ARHGAP39: variants seen among roughly 807,000 people sequenced by gnomAD.
The protein encoded by ARHGAP39 is Rho GTPase activating protein 39.
In ARHGAP39, 44 loss-of-function variants were observed where a neutral mutation model predicts 106.9. That is an observed-to-expected ratio of 0.41 (90% CI 0.32 to 0.53). The LOEUF (loss-of-function observed/expected upper bound fraction) is 0.53, where lower values mean the gene tolerates loss of function less well. Ranked by LOEUF, ARHGAP39 falls within the 20% of genes least tolerant of loss-of-function variation. The pLI, the probability that ARHGAP39 is intolerant of heterozygous loss-of-function variation, is 0.21. For synonymous variants in ARHGAP39, 768 were observed against 693.2 expected (o/e 1.11, Z -1.69); for missense variants, 1,496 against 1,577.3 (o/e 0.95, Z 0.87).
chr8:144,563,504 C>T (rs562479901), intron 3 of ARHGAP39, among the ~76,000 whole-genome samples: 11 of 152,182 alleles, frequency 7.2e-5, no homozygotes, highest in Non-Finnish European at 1.5e-4. Flanking sequence ...GGGCTTGGCA[C>T]CCTAAAATTT....
intron 2 of ARHGAP39, among the ~76,000 whole-genome samples, chr8:144,583,438 G>T (rs983362159): frequency 1.3e-5 from 2 of 152,218 alleles, no homozygotes; most frequent in Non-Finnish European, 2.9e-5. Flanking sequence ...TGGAGGCACA[G>T]ACGGGGTCTG....
intron 3 of ARHGAP39, among the ~76,000 whole-genome samples, 158 bp from the exon 4 acceptor site, chr8:144,555,801 C>T (rs973081808): frequency 6.6e-6 from 1 of 152,258 alleles, no homozygotes; most frequent in African/African-American, 2.4e-5. Context: ...TGCCCTGAGT[C>T]CACCTTCTTC....
intron 1 of ARHGAP39, among the ~76,000 whole-genome samples, chr8:144,678,270 T>TAA (rs1186486280): frequency 1.5e-5 from 2 of 137,522 alleles, no homozygotes. Context: ...ACTCTCTCTC[T>TAA]AAAAAAAAAA....
At position 144,548,680 on chromosome 8, in the gene ARHGAP39, C is replaced by T. The variant is rs559444418; in HGVS notation, c.597-191G>A. On this transcript the variant is annotated intron_variant, in intron 4 of 11. Transcript: ENST00000377307. This position sits in a 1 kb window ranked among gnomAD's most constrained non-coding sequence, Gnocchi z 7.4. ...CCCCCAGCCCTCCCTCTGGGGCTCTCCTGGAGCTGCCGCCCACGACCAGGT... is the reference window on the plus strand; with the variant it reads ...CCCCCAGCCCTCCCTCTGGGGCTCTTCTGGAGCTGCCGCCCACGACCAGGT... 1.2e-4 allele frequency among the ~76,000 whole-genome samples: 18 copies of T among 152,306 alleles called. No individual in the cohort carries two copies. The highest frequency in any genetic ancestry group is 3.4e-3 in the Middle Eastern group (1 of 294).
intron 4 of ARHGAP39, among the ~76,000 whole-genome samples, chr8:144,549,717 A>ACTCCTGAC (rs1232378357): frequency 6.6e-6 from 1 of 151,724 alleles, no homozygotes; most frequent in East Asian, 1.9e-4. Context: ...CTGGTCCCGA[A>ACTCCTGAC]CTCCTGACCT....
Position 144,655,074 on chromosome 8 carries a change from C to G in ARHGAP39, c.-82+30612G>C, listed in dbSNP as rs574161100. ...GTCAGCTCCCACTCCAGTCTTGGAG[C>G]AAAGTTGGGTCTGAGCCCAGGTGCC... On this transcript the variant is annotated intron_variant, in intron 1 of 11. Transcript: ENST00000377307. Among the ~76,000 whole-genome samples the G allele has an allele frequency of 3.3e-5, 5 of 152,290 alleles. No individual in the cohort carries two copies. The South Asian group carries it at 1.0e-3, about 32-fold the overall frequency.
rs1821433984 is a variant in ARHGAP39 at position 144,645,966 on chromosome 8, C to T, written c.-82+39720G>A. ...ATGTCACTGTGTAACAACAGGGTAACACCCAGATGGCCCAGCTGGCTCTGT... is the reference window on the plus strand; with the variant it reads ...ATGTCACTGTGTAACAACAGGGTAATACCCAGATGGCCCAGCTGGCTCTGT... On this transcript the variant is annotated intron_variant, in intron 1 of 11. Transcript: ENST00000377307. The surrounding 1 kb of genome is among the most constrained non-coding windows in gnomAD (Gnocchi z 4.4). Among the ~76,000 whole-genome samples the T allele has an allele frequency of 1.3e-5, 2 of 152,210 alleles. No individual in the cohort carries two copies. Among genetic ancestry groups the T allele is most frequent in the Admixed American group, 1.3e-4 (2 of 15,284 alleles).
At chr8:144,677,232 T>C (rs1822266386) in intron 1 of ARHGAP39, among the ~76,000 whole-genome samples, 1 of 152,274 alleles carries the variant, frequency 6.6e-6, no homozygotes, top group Non-Finnish European at 1.5e-5. Flanking sequence ...TGAACACTCA[T>C]GGACAAGCTT....
At chr8:144,554,968 G>A (rs191013773) in intron 4 of ARHGAP39, among the ~76,000 whole-genome samples, 1 of 152,348 alleles carries the variant, frequency 6.6e-6, no homozygotes, top group East Asian at 1.9e-4. Flanking sequence ...AGAAACAGCA[G>A]CTGGCCCTGG....
intron 1 of ARHGAP39, among the ~76,000 whole-genome samples, chr8:144,656,908 CGAAAT>C (rs1226737963): frequency 4.0e-5 from 6 of 149,024 alleles, no homozygotes; most frequent in African/African-American, 1.5e-4. Flanking sequence ...GTTAATTAGA[CGAAAT>C]GGATAAATTC....
chr8:144,602,253 G>C (rs532581883), intron 2 of ARHGAP39, among the ~76,000 whole-genome samples: 7 of 139,500 alleles, frequency 5.0e-5, no homozygotes, highest in Admixed American at 3.7e-4. Context: ...AGGTGTGTGT[G>C]TGAGCTCATG....
intron 1 of ARHGAP39, among the ~76,000 whole-genome samples, chr8:144,628,337 A>G (rs889346369): frequency 2.0e-5 from 3 of 151,974 alleles, no homozygotes; most frequent in Non-Finnish European, 4.4e-5. Context: ...AGCAGGGGAC[A>G]CTCATGAGAG....
chr8:144,677,404 T>TA (rs1318883930), intron 1 of ARHGAP39, among the ~76,000 whole-genome samples: 2 of 152,180 alleles, frequency 1.3e-5, no homozygotes, highest in East Asian at 3.8e-4. Flanking sequence ...AGTGCAGAAA[T>TA]AAAGACACTA....
In ARHGAP39 at chr8:144,658,756, A is replaced by G. The variant is rs1040511913; in HGVS notation, c.-82+26930T>C. 7.2e-5 allele frequency among the ~76,000 whole-genome samples: 11 copies of G among 152,176 alleles called. No individual in the cohort carries two copies. The East Asian group carries it at 1.7e-3, about 24-fold the overall frequency. ...ATTACCGGAGGTCCTAGCCAGTGCA[A>G]TAAGGCAGGAAAAAGAAAAGGTAGA... On this transcript the variant is annotated intron_variant, in intron 1 of 11. Transcript: ENST00000377307.
chr8:144,646,577 G>A lies in ARHGAP39; in HGVS notation c.-82+39109C>T, dbSNP rs1821449731. On this transcript the variant is annotated intron_variant, in intron 1 of 11. Transcript: ENST00000377307. The surrounding 1 kb of genome is among the most constrained non-coding windows in gnomAD (Gnocchi z 5.7). ...GGGTGGGCACAGGCTGGCGGGCATG[G>A]AAGCCTCGTCCTTTCTGCACCACCG... 6.6e-6 allele frequency among the ~76,000 whole-genome samples: 1 copy of A among 152,214 alleles called. No individual in the cohort carries two copies. Among genetic ancestry groups the A allele is most frequent in the African/African-American group, 2.4e-5 (1 of 41,456 alleles).
chr8:144,611,823 C>T (rs1356509444), intron 1 of ARHGAP39, among the ~76,000 whole-genome samples: 1 of 152,064 alleles, frequency 6.6e-6, no homozygotes, highest in Non-Finnish European at 1.5e-5. Context: ...CAAGACCAGC[C>T]TGGGCAACAT....
chr8:144,574,184 T>C (rs7014011), intron 3 of ARHGAP39, among the ~76,000 whole-genome samples: 238 of 137,442 alleles, frequency 1.7e-3, no homozygotes, highest in African/African-American at 6.1e-3. Flanking sequence ...AAGATGAAGA[T>C]GAGGAGGAGG....
At chr8:144,699,510 T>G in the ARHGAP39 span, among the ~76,000 whole-genome samples, 1 of 105,348 alleles carries the variant, frequency 9.5e-6, no homozygotes, top group Non-Finnish European at 2.0e-5. Context: ...GCGGTGGGGC[T>G]GAGGGACCCG....
intron 7 of ARHGAP39, among the ~76,000 whole-genome samples, chr8:144,536,951 T>C (rs1421707152): frequency 1.3e-5 from 2 of 152,268 alleles, no homozygotes. Context: ...AGAGAGGTGG[T>C]GGCGGAGCTC....
Sources: allele counts gnomAD v4.1 joint callset (sites outside exome capture counted in the v4.1 genomes callset), GRCh38; gene constraint gnomAD v4.1.1; non-coding constraint Gnocchi (gnomAD v3.1); transcripts MANE v1.5; gene names NCBI Gene and HGNC (gene_info 2026-07-23, HGNC 2026-07-21).